Variants in CENPH observed in about 807,000 individuals in gnomAD.
CENPH encodes the protein CENP-H.
A neutral mutation model predicts 42.9 loss-of-function variants in CENPH; 40 were observed. That is an observed-to-expected ratio of 0.93 (90% CI 0.72 to 1.21). The LOEUF (loss-of-function observed/expected upper bound fraction) is 1.21, where lower values mean the gene tolerates loss of function less well. CENPH is among the 50% of genes most tolerant of loss of function. The pLI, the probability that CENPH is intolerant of heterozygous loss-of-function variation, is 0.00. For synonymous variants in CENPH, 88 were observed against 96.5 expected (o/e 0.91, Z 0.52); for missense variants, 302 against 292.9 (o/e 1.03, Z -0.23).
chr5:69,207,082 A>T (rs1478171607), intron 7 of CENPH, among the ~76,000 whole-genome samples: 1 of 152,198 alleles, frequency 6.6e-6, no homozygotes, highest in Non-Finnish European at 1.5e-5. Flanking sequence ...GTTGAAGAAC[A>T]GGCCCCTGAA....
chr5:69,194,772 G>A, intron 3 of CENPH, 77 bp downstream of exon 3: 2 of 912,066 alleles, frequency 2.2e-6, no homozygotes, highest in Admixed American at 2.5e-5. Context: ...GTTGTTAGAT[G>A]GAGTCTCACT....
chr5:69,198,216 G>A (rs559269179), intron 5 of CENPH, among the ~76,000 whole-genome samples: 11 of 151,754 alleles, frequency 7.2e-5, no homozygotes, highest in African/African-American at 2.2e-4. Flanking sequence ...CACCGCACCC[G>A]GCCTCTTACC....
Position 69,189,610 on chromosome 5 carries a change from T to C in CENPH, c.-25T>C. ...TTTCTGAGCGCGTTTGCCTGTTGAG[T>C]GGTAGCCTTTCCCCTCAACCAGCAA... On this transcript the variant is annotated 5_prime_UTR_variant, in exon 1 of 9. Transcript: ENST00000283006. 6.3e-7 allele frequency: 1 copy of C among 1,576,898 alleles called. No homozygotes were observed. The highest frequency in any genetic ancestry group is 8.6e-7 in the Non-Finnish European group (1 of 1,165,938).
At chr5:69,191,393 T>A (rs1481754112) in intron 1 of CENPH, among the ~76,000 whole-genome samples, 1 of 152,128 alleles carries the variant, frequency 6.6e-6, no homozygotes, top group Non-Finnish European at 1.5e-5. Context: ...GCGCCTGTAG[T>A]CCCAGCTGCT....
chr5:69,195,234 A>G (rs577138310), intron 3 of CENPH, among the ~76,000 whole-genome samples: 2 of 152,030 alleles, frequency 1.3e-5, no homozygotes, highest in African/African-American at 4.8e-5. Flanking sequence ...CCTCAAAAAT[A>G]TATATATATT....
intron 1 of CENPH, 114 bp downstream of exon 1, chr5:69,189,882 T>A (rs1747835529): frequency 1.7e-6 from 2 of 1,178,286 alleles, no homozygotes; most frequent in South Asian, 1.7e-5. Context: ...CAGGTCTCCG[T>A]GATTGCCTCA....
chr5:69,203,202 C>G (rs1748085637), intron 7 of CENPH, among the ~76,000 whole-genome samples: 1 of 152,174 alleles, frequency 6.6e-6, no homozygotes, highest in Non-Finnish European at 1.5e-5. Flanking sequence ...CAGTCTTGCT[C>G]TATCACCCAG....
In CENPH at chr5:69,208,283, CAG is replaced by C. The variant is rs764411548; in HGVS notation, c.580_581del (p.Arg194AspfsTer30). ...ATTGATTTGGACAGTATGGAAAACT[CAG>C]AGAGGATAAAGATCATACGACAAAA... On this transcript the variant is annotated frameshift_variant, in exon 8 of 9. Transcript: ENST00000283006. LOFTEE classifies it high-confidence loss of function. The C allele has an allele frequency of 3.8e-6, 6 of 1,596,442 alleles. No individual in the cohort carries two copies. Among genetic ancestry groups the C allele is most frequent in the Non-Finnish European group, 5.2e-6 (6 of 1,164,192 alleles).
chr5:69,197,913 C>CT (rs1172938522), intron 5 of CENPH, among the ~76,000 whole-genome samples: 760 of 74,140 alleles, frequency 0.01, 52 homozygotes, highest in African/African-American at 0.018. Context: ...TACCTATGAT[C>CT]TTTTTTTTTT....
chr5:69,202,606 G>T, intron 6 of CENPH, 37 bp downstream of exon 6: 1 of 1,163,324 alleles, frequency 8.6e-7, no homozygotes, highest in Non-Finnish European at 1.3e-6. Flanking sequence ...GCATTCTCAT[G>T]ATTTTACTCT....
Position 69,202,688 on chromosome 5 carries a change from C to T in CENPH, c.435+119C>T, listed in dbSNP as rs921485847. ...CAAAGGGAATGCTATGATTGGAATTCGCTGTCCTTGAGTTCTCTCTTTTTT... is the reference window on the plus strand; with the variant it reads ...CAAAGGGAATGCTATGATTGGAATTTGCTGTCCTTGAGTTCTCTCTTTTTT... On this transcript the variant is annotated intron_variant, in intron 6 of 8. Coordinates refer to ENST00000283006, the MANE Select transcript of CENPH (RefSeq NM_022909.4). 63 of 708,182 alleles carry T rather than the reference C, an allele frequency of 8.9e-5. 3 individuals carry two copies. The Middle Eastern group carries it at 2.2e-3, about 25-fold the overall frequency. 43.9% of individuals were successfully genotyped at this position (708,182 alleles called of 1,614,324 possible). A position where few individuals can be genotyped will look rare whatever the true frequency, so the allele number is the denominator to read the frequency against.
chr5:69,208,234 C>A lies in CENPH; in HGVS notation c.526C>A (p.Gln176Lys). The change falls in exon 8 of 9, where the codon CAG becomes AAG. Residue 176 changes from glutamine to lysine, a missense_variant. Physicochemically the swap from Gln to Lys is moderately conservative, Grantham distance 53. Coordinates refer to ENST00000283006, the MANE Select transcript of CENPH (RefSeq NM_022909.4). Reference protein sequence around the residue: ...QASESKLLEIQTEKNKQKIDL... With the variant: ...QASESKLLEIKTEKNKQKIDL... ...TTCAGAAAGTAAGCTTTTAGAAATA[C>A]AGACTGAAAAGAACAAACAGAAGAT... The A allele has an allele frequency of 1.3e-6, 2 of 1,585,192 alleles. No individual in the cohort carries two copies. The highest frequency in any genetic ancestry group is 1.7e-6 in the Non-Finnish European group (2 of 1,156,290).
At chr5:69,193,172 T>G (rs1747906542) in intron 2 of CENPH, among the ~76,000 whole-genome samples, 1 of 149,542 alleles carries the variant, frequency 6.7e-6, no homozygotes, top group Non-Finnish European at 1.5e-5. Flanking sequence ...TGTATATATA[T>G]GTGTGTGTAT....
chr5:69,200,993 CTT>C (rs1382346941), intron 5 of CENPH, among the ~76,000 whole-genome samples: 6 of 140,802 alleles, frequency 4.3e-5, no homozygotes, highest in Admixed American at 7.2e-5. Flanking sequence ...TGTACCTGAC[CTT>C]TTTTTTTTTT....
Position 69,200,719 on chromosome 5 carries a change from C to CTTTTTTTTTTTTTTTTTTTTTTTTT in CENPH, c.372-1777_372-1753dup, listed in dbSNP as rs70992906. ...TCCCAAACTTTCTGAATCAGCGTAT[C>CTTTTTTTTTTTTTTTTTTTTTTTTT]TTTTTTTTTTTTTTTTTTTTTTTTT... On this transcript the variant is annotated intron_variant, in intron 5 of 8. Transcript: ENST00000283006. Among the ~76,000 whole-genome samples, 35 of 46,914 alleles carry CTTTTTTTTTTTTTTTTTTTTTTTTT rather than the reference C, an allele frequency of 7.5e-4. 12 individuals carry two copies. Among genetic ancestry groups the CTTTTTTTTTTTTTTTTTTTTTTTTT allele is most frequent in the Non-Finnish European group, 1.1e-3 (27 of 24,012 alleles). The allele number at this position is 46,914 out of a possible 152,430, so 30.8% of individuals were successfully genotyped here. A position where few individuals can be genotyped will look rare whatever the true frequency, so the allele number is the denominator to read the frequency against.
intron 7 of CENPH, among the ~76,000 whole-genome samples, chr5:69,205,883 G>C (rs1748150216): frequency 3.3e-5 from 5 of 149,888 alleles, no homozygotes; most frequent in Admixed American, 3.3e-4. Context: ...TAATTTTTTT[G>C]TATTTTTAGT....
chr5:69,199,764 T>C (rs1748027709), intron 5 of CENPH, among the ~76,000 whole-genome samples: 1 of 152,044 alleles, frequency 6.6e-6, no homozygotes, highest in African/African-American at 2.4e-5. Flanking sequence ...TCAAAAGAAA[T>C]CATAAACATC....
At chr5:69,209,602 T>G in intron 8 of CENPH, 105 bp from the exon 9 acceptor site, 1 of 608,050 alleles carries the variant, frequency 1.6e-6, no homozygotes, top group Non-Finnish European at 2.9e-6. Context: ...GCTACACATG[T>G]AGTAAATGTT....
At chr5:69,191,570 T>C (rs1029191943) in intron 1 of CENPH, among the ~76,000 whole-genome samples, 3 of 152,204 alleles carry the variant, frequency 2.0e-5, no homozygotes, top group Admixed American at 6.6e-5. Flanking sequence ...GATGCTGTTT[T>C]CCCAGTGTAT....
Sources: gnomAD v4.1 joint callset for allele counts (sites outside exome capture counted in the v4.1 genomes callset) on GRCh38, gnomAD v4.1.1 for gene constraint, MANE v1.5 for transcripts, NCBI Gene and HGNC (gene_info 2026-07-23, HGNC 2026-07-21) for gene names.